ARL14EPL: variants seen among roughly 807,000 people sequenced by gnomAD.
ARL14EPL encodes the protein ARL14 effector protein-like.
A neutral mutation model predicts 15.9 loss-of-function variants in ARL14EPL; 17 were observed. The observed-to-expected ratio is 1.07, with a 90% CI of 0.73 to 1.60. ARL14EPL has a LOEUF of 1.60. Ranked by LOEUF, ARL14EPL falls within the 40% of genes most tolerant of loss-of-function variation. The pLI is 0.00. For synonymous variants in ARL14EPL, 78 were observed against 63.8 expected (o/e 1.22, Z -1.06); for missense variants, 214 against 185.9 (o/e 1.15, Z -0.88).
At chr5:116,058,478 T>C (rs1749570485) in intron 3 of ARL14EPL, among the ~76,000 whole-genome samples, 1 of 152,192 alleles carries the variant, frequency 6.6e-6, no homozygotes, top group Non-Finnish European at 1.5e-5. Flanking sequence ...ATGACAAGCC[T>C]GGCTGCACTG....
At chr5:116,034,555 G>C (rs902049559) in intron 1 of ARL14EPL, among the ~76,000 whole-genome samples, 2 of 152,114 alleles carry the variant, frequency 1.3e-5, no homozygotes, top group African/African-American at 2.4e-5. Context: ...TTAGAGAAAT[G>C]TTACCTCCTT....
rs146131768 is a variant in ARL14EPL, at chr5:116,046,692, C to G, written c.-9-4765C>G. Reference sequence around the variant, plus strand: ...GATGCTGACCCTAAGGAATGATAATCTGTTCCAGCGCTGAAGAAATGCCTG... The same window carrying G: ...GATGCTGACCCTAAGGAATGATAATGTGTTCCAGCGCTGAAGAAATGCCTG... On this transcript the variant is annotated intron_variant, in intron 1 of 3. Coordinates refer to ENST00000686077, the MANE Select transcript of ARL14EPL (RefSeq NM_001195581.2). Among the ~76,000 whole-genome samples, 375 of 152,296 alleles carry G rather than the reference C, an allele frequency of 2.5e-3. 1 individual carries two copies. The highest frequency in any genetic ancestry group is 8.5e-3 in the African/African-American group (355 of 41,562).
Position 116,054,058 on chromosome 5 carries a change from T to C in ARL14EPL, c.141T>C (p.Pro47=). Residue 47 remains proline (P), a synonymous_variant, in exon 3 of 4, where the codon CCT becomes CCC. Coordinates refer to ENST00000686077, the MANE Select transcript of ARL14EPL (RefSeq NM_001195581.2). ...TAAAATGCTTGGCATTTCGAAACCC[T>C]GGACCACAGGTAGCAGACTTTAATC... ...RQLKCLAFRN[P]GPQVADFNPE... is the part of the protein sequence containing the mutation. The C allele has an allele frequency of 6.5e-7, 1 of 1,535,650 alleles. No homozygotes were observed. The highest frequency in any genetic ancestry group is 8.7e-7 in the Non-Finnish European group (1 of 1,146,640).
chr5:116,043,935 A>C (rs1749215018), intron 1 of ARL14EPL, among the ~76,000 whole-genome samples: 1 of 152,226 alleles, frequency 6.6e-6, no homozygotes, highest in Non-Finnish European at 1.5e-5. Flanking sequence ...AACATTGGCC[A>C]AAGAATTTAC....
intron 2 of ARL14EPL, 103 bp downstream of exon 2, chr5:116,051,664 C>G: frequency 2.0e-6 from 2 of 994,934 alleles, no homozygotes; most frequent in Non-Finnish European, 2.9e-6. Context: ...CCAGGCAGGA[C>G]CTCACAGGGA....
chr5:116,037,547 A>T (rs999303471), intron 1 of ARL14EPL, among the ~76,000 whole-genome samples: 2 of 152,160 alleles, frequency 1.3e-5, no homozygotes, highest in Non-Finnish European at 2.9e-5. Context: ...TGCCCTTCAC[A>T]TGGCATTCTT....
At chr5:116,046,230 T>A (rs1286820105) in intron 1 of ARL14EPL, among the ~76,000 whole-genome samples, 2 of 152,204 alleles carry the variant, frequency 1.3e-5, no homozygotes, top group African/African-American at 4.8e-5. Flanking sequence ...ACAGATAGTG[T>A]CCCTGAATAA....
intron 2 of ARL14EPL, among the ~76,000 whole-genome samples, chr5:116,052,701 A>G (rs1236456608): frequency 6.6e-6 from 1 of 152,234 alleles, no homozygotes; most frequent in Non-Finnish European, 1.5e-5. Context: ...ATACACCAAG[A>G]TGAAATTTAA....
intron 1 of ARL14EPL, among the ~76,000 whole-genome samples, chr5:116,042,017 C>CA (rs1463557073): frequency 4.6e-5 from 7 of 151,864 alleles, no homozygotes; most frequent in Non-Finnish European, 7.4e-5. Context: ...TTTGTAAAGA[C>CA]AGGGGGTCTC....
intron 1 of ARL14EPL, among the ~76,000 whole-genome samples, chr5:116,043,601 G>C (rs1417863810): frequency 6.6e-6 from 1 of 152,072 alleles, no homozygotes; most frequent in East Asian, 1.9e-4. Flanking sequence ...ACTATATTAA[G>C]TGTTGCTTCA....
chr5:116,042,604 G>A (rs1313187647), intron 1 of ARL14EPL, among the ~76,000 whole-genome samples: 2 of 152,196 alleles, frequency 1.3e-5, no homozygotes, highest in Non-Finnish European at 2.9e-5. Context: ...TATTCTTCTT[G>A]GAGCCTTTCA....
chr5:116,058,738 T>A lies in ARL14EPL; in HGVS notation c.250T>A (p.Tyr84Asn), dbSNP rs1392120555. ...TTTCCTTTGTAGAATAATGAGGAAG[T>A]ATGACAAAAGTGGCAGGCTCATCTG... ...FSTKYKIMRK[Y>N]DKSGRLICND... Residue 84 changes from tyrosine (Y) to asparagine (N), a missense_variant, in exon 4 of 4, where the codon TAT becomes AAT. Transcript: ENST00000686077. 2 of 1,535,050 alleles carry A rather than the reference T, an allele frequency of 1.3e-6. No individual in the cohort carries two copies. Among genetic ancestry groups the A allele is most frequent in the Non-Finnish European group, 1.7e-6 (2 of 1,146,864 alleles).
intron 3 of ARL14EPL, among the ~76,000 whole-genome samples, chr5:116,055,470 A>T (rs1289557971): frequency 6.6e-6 from 1 of 152,218 alleles, no homozygotes; most frequent in Non-Finnish European, 1.5e-5. Flanking sequence ...AGTGGAATAC[A>T]TATAGAAGTG....
In ARL14EPL at chr5:116,058,725, A is replaced by G. The variant is rs372265003; in HGVS notation, c.237A>G (p.Lys79=). 7.9e-5 allele frequency: 121 copies of G among 1,534,428 alleles called. 2 individuals carry two copies. The African/African-American group carries it at 1.5e-3, about 19-fold the overall frequency. The change falls in exon 4 of 4, where the codon AAA becomes AAG. Residue 79 remains lysine (K), a splice_region_variant and synonymous_variant. Coordinates refer to ENST00000686077, the MANE Select transcript of ARL14EPL (RefSeq NM_001195581.2). ...TTAATGTCATGCTTTTCCTTTGTAG[A>G]ATAATGAGGAAGTATGACAAAAGTG... The part of the protein sequence containing the change: ...KMNEYFSTKY[K]IMRKYDKSGR...
chr5:116,034,593 GACC>G (rs1749014463), intron 1 of ARL14EPL, among the ~76,000 whole-genome samples: 1 of 152,022 alleles, frequency 6.6e-6, no homozygotes, highest in East Asian at 1.9e-4. Flanking sequence ...GAGAAGTTTT[GACC>G]TGCTCAACTA....
At chr5:116,040,915 G>C (rs963893463) in intron 1 of ARL14EPL, among the ~76,000 whole-genome samples, 2 of 128,964 alleles carry the variant, frequency 1.6e-5, no homozygotes, top group Non-Finnish European at 3.1e-5. Flanking sequence ...CAGAGGTGGA[G>C]CTTGCAGTGA....
intron 1 of ARL14EPL, among the ~76,000 whole-genome samples, chr5:116,034,392 C>G (rs746549690): frequency 6.6e-6 from 1 of 152,162 alleles, no homozygotes; most frequent in Non-Finnish European, 1.5e-5. Flanking sequence ...CCTTTCTGAT[C>G]ACTTAGCACT....
chr5:116,039,124 G>T (rs1369059836), intron 1 of ARL14EPL, among the ~76,000 whole-genome samples: 1 of 152,182 alleles, frequency 6.6e-6, no homozygotes, highest in Non-Finnish European at 1.5e-5. Flanking sequence ...TTTAGACTCA[G>T]TTGTACCCCA....
intron 1 of ARL14EPL, among the ~76,000 whole-genome samples, chr5:116,035,420 T>A (rs1054123696): frequency 3.3e-5 from 5 of 152,352 alleles, no homozygotes; most frequent in South Asian, 4.1e-4. Flanking sequence ...AAGCTCAGAA[T>A]CTTATCTTGA....
Sources: gnomAD v4.1 joint callset for allele counts (sites outside exome capture counted in the v4.1 genomes callset) on GRCh38, gnomAD v4.1.1 for gene constraint, MANE v1.5 for transcripts, NCBI Gene and HGNC (gene_info 2026-07-23, HGNC 2026-07-21) for gene names.